TRIP12: variants seen among roughly 807,000 people sequenced by gnomAD.
The protein encoded by TRIP12 is E3 ubiquitin-protein ligase TRIP12.
Under a neutral mutation model 244.2 loss-of-function variants are expected in TRIP12, and 25 were observed. The ratio of observed to expected loss-of-function variants is 0.10; its 90% CI spans 0.07 to 0.14. The LOEUF is 0.14. TRIP12 is among the 10% of genes least tolerant of loss of function. TRIP12 has a pLI of 1.00. For missense variants in TRIP12, 1,677 were observed against 2,486.4 expected, an observed-to-expected ratio of 0.67 and a Z score of 6.92; for synonymous variants, 905 against 873.1, an observed-to-expected ratio of 1.04 and a Z score of -0.64.
intron 1 of TRIP12, among the ~76,000 whole-genome samples, chr2:229,891,847 G>A (rs921141268): frequency 1.3e-5 from 2 of 152,120 alleles, no homozygotes; most frequent in Non-Finnish European, 2.9e-5. Context: ...ACTTGCACAA[G>A]TAAGCAAGGA....
intron 4 of TRIP12, among the ~76,000 whole-genome samples, chr2:229,855,442 A>G (rs2059424656): frequency 6.6e-6 from 1 of 152,140 alleles, no homozygotes. Flanking sequence ...TATATGGTGA[A>G]TGATATGGTA....
intron 8 of TRIP12, 28 bp from the exon 9 acceptor site, chr2:229,818,540 T>G (rs1175575503): frequency 1.3e-6 from 2 of 1,592,206 alleles, no homozygotes; most frequent in South Asian, 1.1e-5. Context: ...ATTATTATCT[T>G]TAAACATTTA....
intron 1 of TRIP12, among the ~76,000 whole-genome samples, chr2:229,895,252 A>G (rs1326699342): frequency 6.6e-5 from 10 of 152,244 alleles, no homozygotes; most frequent in Admixed American, 6.5e-4. Flanking sequence ...CTGGCTGCCT[A>G]TTAGACAAAG....
At chr2:229,818,781 T>A (rs541200393) in intron 8 of TRIP12, among the ~76,000 whole-genome samples, 1 of 152,234 alleles carries the variant, frequency 6.6e-6, no homozygotes, top group South Asian at 2.1e-4. Flanking sequence ...CAAAAAATAA[T>A]ATCCCTAAGA....
chr2:229,850,815 G>A (rs570106328), intron 4 of TRIP12, among the ~76,000 whole-genome samples: 11 of 152,378 alleles, frequency 7.2e-5, no homozygotes, highest in Non-Finnish European at 1.5e-4. Flanking sequence ...ACTCGGAGGA[G>A]CAGCCGGCCC....
intron 1 of TRIP12, among the ~76,000 whole-genome samples, chr2:229,890,969 G>GA (rs2067207854): frequency 6.6e-6 from 1 of 152,138 alleles, no homozygotes; most frequent in African/African-American, 2.4e-5. Flanking sequence ...GGGGGTATGG[G>GA]AAAATCAAAC....
intron 8 of TRIP12, among the ~76,000 whole-genome samples, chr2:229,827,263 G>C (rs1236122714): frequency 6.7e-6 from 1 of 150,030 alleles, no homozygotes; most frequent in African/African-American, 2.4e-5. Context: ...CTGGGAGACA[G>C]AGCAAAACTC....
rs11373804 is a variant in TRIP12, at chr2:229,840,800, TAA to T, written c.1133+20_1133+21del. The T allele has an allele frequency of 3.4e-3, 4,487 of 1,302,162 alleles. No individual in the cohort carries two copies. The highest frequency in any genetic ancestry group is 5.3e-3 in the South Asian group (362 of 68,460). The allele number at this position is 1,302,162 out of a possible 1,614,324, so 80.7% of individuals were successfully genotyped here. A position where few individuals can be genotyped will look rare whatever the true frequency, so the allele number is the denominator to read the frequency against. On this transcript the variant is annotated intron_variant, in intron 5 of 41. Transcript: ENST00000675903. Reference sequence around the variant, plus strand: ...CAACAGAATAAAAATGAACTCACTATAAAAAAAAAAAAACAAATTACCTGGTA... The same window carrying T: ...CAACAGAATAAAAATGAACTCACTATAAAAAAAAAAACAAATTACCTGGTA...
intron 1 of TRIP12, among the ~76,000 whole-genome samples, chr2:229,891,576 TG>T (rs2067369107): frequency 6.6e-6 from 1 of 152,112 alleles, no homozygotes; most frequent in Admixed American, 6.6e-5. Flanking sequence ...TGCTCCAACC[TG>T]GGTGACAGAG....
At chr2:229,847,054 G>C (rs1160922509) in intron 4 of TRIP12, among the ~76,000 whole-genome samples, 1 of 152,190 alleles carries the variant, frequency 6.6e-6, no homozygotes, top group Admixed American at 6.5e-5. Context: ...GGGAATTCAT[G>C]TATTTCTAAG....
chr2:229,855,826 G>C (rs190499889), intron 4 of TRIP12, among the ~76,000 whole-genome samples: 1 of 152,182 alleles, frequency 6.6e-6, no homozygotes, highest in East Asian at 1.9e-4. Flanking sequence ...CAGATCACCT[G>C]AAGTCGGGAG....
intron 36 of TRIP12, among the ~76,000 whole-genome samples, chr2:229,777,736 T>C (rs2036739405): frequency 6.6e-6 from 1 of 152,204 alleles, no homozygotes; most frequent in African/African-American, 2.4e-5. Flanking sequence ...ACTTACTATA[T>C]TTAAAATAGA....
In TRIP12 at chr2:229,797,702, T is replaced by C; in HGVS notation, c.3612A>G (p.Gln1204=). ...CTGGACACAGCACCTGGAGGTTGAG[T>C]TGTTCGGTTGCAGCACAAAGTCTCT... ...VLQRLCAATE[Q]LNLQVDGGAE... is the part of the protein sequence containing the mutation. The change falls in exon 24 of 42, where the codon CAA becomes CAG. Residue 1204 remains glutamine, a synonymous_variant. Coordinates refer to ENST00000675903, the MANE Select transcript of TRIP12 (RefSeq NM_001348323.3). The C allele has an allele frequency of 6.2e-7, 1 of 1,613,188 alleles. No individual in the cohort carries two copies. Among genetic ancestry groups the C allele is most frequent in the Non-Finnish European group, 8.5e-7 (1 of 1,179,570 alleles).
intron 1 of TRIP12, among the ~76,000 whole-genome samples, chr2:229,892,822 C>T (rs1331776703): frequency 6.6e-6 from 1 of 152,070 alleles, no homozygotes; most frequent in African/African-American, 2.4e-5. Context: ...GCTGAGATTG[C>T]ACCACTGCAC....
Position 229,771,341 on chromosome 2 carries a change from C to T in TRIP12, c.5808+178G>A, listed in dbSNP as rs149621860. 2.4e-3 allele frequency among the ~76,000 whole-genome samples: 360 copies of T among 152,332 alleles called. 1 individual carries two copies. The highest frequency in any genetic ancestry group is 8.1e-3 in the African/African-American group (335 of 41,582). On this transcript the variant is annotated intron_variant, in intron 39 of 41. Coordinates refer to ENST00000675903, the MANE Select transcript of TRIP12 (RefSeq NM_001348323.3). ...CGCTCCCCAATCTAAGAGGGGACAC[C>T]TATTTAACATTCTTCCTTGCTCAGG...
In TRIP12 at chr2:229,858,840, G is replaced by A. The variant is rs1220785396; in HGVS notation, c.959C>T (p.Ser320Phe). The change falls in exon 4 of 42, where the codon TCT (serine) becomes TTT (phenylalanine). Residue 320 changes from serine to phenylalanine, a missense_variant. Physicochemically the swap from Ser to Phe is radical, Grantham distance 155. Around this residue, in one of 11 missense-constraint regions of TRIP12, gnomAD observed 387 missense variants for 392.6 expected, o/e 0.99. Coordinates refer to ENST00000675903, the MANE Select transcript of TRIP12 (RefSeq NM_001348323.3). Reference protein sequence around the residue: ...PKVSLPKTKLSLPGSSKSETS... With the variant: ...PKVSLPKTKLFLPGSSKSETS... The stretch of plus-strand genomic sequence containing the variant: ...CTCTGACTTAGAAGACCCTGGAAGA[G>A]ACAGTTTTGTTTTAGGAAGGCTAAC... 1 of 1,614,172 alleles carries A rather than the reference G, an allele frequency of 6.2e-7. No individual in the cohort carries two copies. Among genetic ancestry groups the A allele is most frequent in the Non-Finnish European group, 8.5e-7 (1 of 1,179,988 alleles).
rs551808571 is a variant in TRIP12 at position 229,850,789 on chromosome 2, G to A, written c.1027+7983C>T. ...CAGCTGGAGTTCCGGGTGGGTGTGG[G>A]CTTGGCGGGCCCCACACTCGGAGGA... is the stretch of plus-strand genomic sequence containing the variant. On this transcript the variant is annotated intron_variant, in intron 4 of 41. Transcript: ENST00000675903. Among the ~76,000 whole-genome samples, 10 of 152,352 alleles carry A rather than the reference G, an allele frequency of 6.6e-5. No homozygotes were observed. The East Asian group carries it at 1.7e-3, about 27-fold the overall frequency.
chr2:229,797,861 T>C, intron 23 of TRIP12, 30 bp from the exon 24 acceptor site: 1 of 1,606,344 alleles, frequency 6.2e-7, no homozygotes, highest in Non-Finnish European at 8.5e-7. Flanking sequence ...GATATTAAAG[T>C]CCCAGTGTAT....
rs183498960 is a variant in TRIP12, at chr2:229,862,402, T to C, written c.99-1871A>G. ...AAAAAAGAGGTGTAACGTTCTGTTT[T>C]TGGGGTGTGGAATTTAACAGCTACA... On this transcript the variant is annotated intron_variant, in intron 2 of 41. Coordinates refer to ENST00000675903, the MANE Select transcript of TRIP12 (RefSeq NM_001348323.3). 7.2e-5 allele frequency among the ~76,000 whole-genome samples: 11 copies of C among 152,320 alleles called. No individual in the cohort carries two copies. The East Asian group carries it at 2.1e-3, about 29-fold the overall frequency.
Sources: gnomAD v4.1 joint callset for allele counts (sites outside exome capture counted in the v4.1 genomes callset) on GRCh38, gnomAD v4.1.1 for gene constraint, gnomAD v4.1.1 regional missense constraint, MANE v1.5 for transcripts, NCBI Gene and HGNC (gene_info 2026-07-23, HGNC 2026-07-21) for gene names.